KCNB2: variants seen among roughly 807,000 people sequenced by gnomAD.
The protein encoded by KCNB2 is potassium voltage-gated channel subfamily B member 2.
KCNB2 carries 15 observed loss-of-function variants against 61.5 expected under a neutral mutation model. The ratio of observed to expected loss-of-function variants is 0.24; its 90% CI spans 0.16 to 0.38. The LOEUF (loss-of-function observed/expected upper bound fraction) is 0.38. Among genes scored for constraint, KCNB2 ranks in the 10% least tolerant of loss-of-function variants. KCNB2 has a pLI of 1.00. For synonymous variants in KCNB2, 457 were observed against 446.0 expected, an observed-to-expected ratio of 1.02 and a Z score of -0.31; for missense variants, 828 against 1,125.2, an observed-to-expected ratio of 0.74 and a Z score of 3.78.
intron 2 of KCNB2, among the ~76,000 whole-genome samples, chr8:72,587,913 A>C (rs1034914715): frequency 3.3e-5 from 5 of 152,202 alleles, no homozygotes; most frequent in African/African-American, 1.2e-4. Flanking sequence ...GCCAGAGTTA[A>C]CTTTATAAAA....
chr8:72,667,528 T>C (rs1418322226), intron 2 of KCNB2, among the ~76,000 whole-genome samples: 1 of 152,212 alleles, frequency 6.6e-6, no homozygotes, highest in Non-Finnish European at 1.5e-5. Flanking sequence ...ATCTGCTCAG[T>C]TAGTTAAGAC....
chr8:72,935,555 G>T (rs1478200304), intron 2 of KCNB2, among the ~76,000 whole-genome samples: 1 of 152,126 alleles, frequency 6.6e-6, no homozygotes, highest in Non-Finnish European at 1.5e-5. Context: ...AGCTTACATG[G>T]CATGTAAGAC....
chr8:72,815,338 TA>T (rs201891304), intron 2 of KCNB2, among the ~76,000 whole-genome samples: 40 of 151,190 alleles, frequency 2.6e-4, no homozygotes, highest in Admixed American at 9.9e-4. Flanking sequence ...ACATAAGTGC[TA>T]AAAAAAAATA....
At chr8:72,745,592 G>A (rs1023061653) in intron 2 of KCNB2, among the ~76,000 whole-genome samples, 1 of 152,166 alleles carries the variant, frequency 6.6e-6, no homozygotes, top group East Asian at 1.9e-4. Flanking sequence ...TCCCCTCTCA[G>A]CACATTGATA....
intron 2 of KCNB2, among the ~76,000 whole-genome samples, chr8:72,663,171 G>A (rs910873807): frequency 2.3e-4 from 35 of 152,250 alleles, no homozygotes; most frequent in African/African-American, 8.2e-4. Flanking sequence ...GATTGACAAA[G>A]GCTTTTAGAG....
intron 2 of KCNB2, among the ~76,000 whole-genome samples, chr8:72,680,328 G>A (rs1262972176): frequency 6.6e-6 from 1 of 152,136 alleles, no homozygotes; most frequent in African/African-American, 2.4e-5. Flanking sequence ...CAGAAAGATA[G>A]GAAAGGTCAG....
intron 2 of KCNB2, among the ~76,000 whole-genome samples, chr8:72,674,199 A>G (rs1257480912): frequency 6.6e-6 from 1 of 152,198 alleles, no homozygotes; most frequent in Non-Finnish European, 1.5e-5. Flanking sequence ...TAATTAACCT[A>G]TTATTACCCT....
intron 1 of KCNB2, among the ~76,000 whole-genome samples, chr8:72,542,981 G>T (rs1410761065): frequency 6.6e-6 from 1 of 152,144 alleles, no homozygotes; most frequent in African/African-American, 2.4e-5. Context: ...TTGATAGAGT[G>T]GGATGGCAAT....
At chr8:72,540,803 A>G (rs1012933491) in intron 1 of KCNB2, among the ~76,000 whole-genome samples, 1 of 152,158 alleles carries the variant, frequency 6.6e-6, no homozygotes, top group Admixed American at 6.5e-5. Flanking sequence ...TTATCTTAAA[A>G]AGTGCGTATT....
chr8:72,695,835 A>T (rs1383934861), intron 2 of KCNB2, among the ~76,000 whole-genome samples: 1 of 152,246 alleles, frequency 6.6e-6, no homozygotes, highest in Non-Finnish European at 1.5e-5. Flanking sequence ...GAGCCAAGTT[A>T]TTCCAGCAAT....
intron 2 of KCNB2, among the ~76,000 whole-genome samples, chr8:72,736,523 C>G (rs961221269): frequency 6.6e-6 from 1 of 152,092 alleles, no homozygotes; most frequent in Admixed American, 6.6e-5. Context: ...ATTCATTACT[C>G]AACCATGGAT....
At chr8:72,687,146 C>G (rs944941755) in intron 2 of KCNB2, among the ~76,000 whole-genome samples, 11 of 152,202 alleles carry the variant, frequency 7.2e-5, no homozygotes, top group African/African-American at 1.4e-4. Context: ...ATTCAATTTA[C>G]TCTTTAATGT....
At position 72,802,564 on chromosome 8, in the gene KCNB2, G is replaced by A. The variant is rs193054281; in HGVS notation, c.580-133371G>A. Reference sequence around the variant, plus strand: ...TTTTTTTGGGTCATTTATGTGTTTGGCAATGTGCTATGTAACCATTCTTCC... The same window carrying A: ...TTTTTTTGGGTCATTTATGTGTTTGACAATGTGCTATGTAACCATTCTTCC... On this transcript the variant is annotated intron_variant, in intron 2 of 2. Transcript: ENST00000523207. Among the ~76,000 whole-genome samples the A allele has an allele frequency of 4.1e-3, 625 of 152,066 alleles. 6 individuals carry two copies. Among genetic ancestry groups the A allele is most frequent in the Non-Finnish European group, 3.6e-3 (246 of 67,956 alleles).
chr8:72,548,064 G>C (rs1806286216), intron 1 of KCNB2, among the ~76,000 whole-genome samples: 1 of 152,058 alleles, frequency 6.6e-6, no homozygotes, highest in Non-Finnish European at 1.5e-5. Context: ...TTCCCTGAAG[G>C]CTCTGAGGAT....
rs768574894 is a variant in KCNB2 at position 72,938,000 on chromosome 8, G to A, written c.2645G>A (p.Gly882Glu). The A allele has an allele frequency of 2.5e-6, 4 of 1,614,030 alleles. No individual in the cohort carries two copies. Among genetic ancestry groups the A allele is most frequent in the Middle Eastern group, 1.6e-4 (1 of 6,062 alleles). The stretch of plus-strand genomic sequence containing the variant: ...GTCAAAAAGGACAGTAGTCAAGAAG[G>A]GTGCAAGATGGAAAATCACTTGTTT... The part of the protein sequence containing the change: ...SEVKKDSSQE[G>E]CKMENHLFAP... Residue 882 changes from glycine to glutamate, a missense_variant, in exon 3 of 3, where the codon GGG becomes GAG. By Grantham distance (98) the Gly-to-Glu change is moderately conservative. Transcript: ENST00000523207.
chr8:72,899,939 G>A (rs1014116595), intron 2 of KCNB2, among the ~76,000 whole-genome samples: 1 of 152,148 alleles, frequency 6.6e-6, no homozygotes, highest in African/African-American at 2.4e-5. Context: ...GGAGGCCAAG[G>A]CAGGAGGATC....
intron 1 of KCNB2, among the ~76,000 whole-genome samples, chr8:72,562,736 T>C (rs1806557173): frequency 6.6e-6 from 1 of 152,230 alleles, no homozygotes; most frequent in Admixed American, 6.5e-5. Flanking sequence ...TTTTATATTA[T>C]ACTTATATAC....
At chr8:72,842,970 T>C (rs909474848) in intron 2 of KCNB2, among the ~76,000 whole-genome samples, 2 of 152,200 alleles carry the variant, frequency 1.3e-5, no homozygotes, top group African/African-American at 2.4e-5. Flanking sequence ...TTATTTGCCT[T>C]CTCCTAGCCT....
intron 2 of KCNB2, among the ~76,000 whole-genome samples, chr8:72,729,625 A>G (rs1338771334): frequency 6.6e-6 from 1 of 152,182 alleles, no homozygotes; most frequent in African/African-American, 2.4e-5. Flanking sequence ...GGCTCATGCC[A>G]GTAATCCCAG....
Sources: gnomAD v4.1 joint callset for allele counts (sites outside exome capture counted in the v4.1 genomes callset) on GRCh38, gnomAD v4.1.1 for gene constraint, MANE v1.5 for transcripts, NCBI Gene and HGNC (gene_info 2026-07-23, HGNC 2026-07-21) for gene names.